CNTN4: variants seen among roughly 807,000 people sequenced by gnomAD.
CNTN4 encodes the protein contactin 4.
Under a neutral mutation model 122.5 loss-of-function variants are expected in CNTN4, and 77 were observed. The ratio of observed to expected loss-of-function variants is 0.63; its 90% CI spans 0.52 to 0.76. The LOEUF (loss-of-function observed/expected upper bound fraction) is 0.76. Among genes scored for constraint, CNTN4 ranks in the 30% least tolerant of loss-of-function variants. The pLI is 0.00. For missense variants in CNTN4, 1,256 were observed against 1,259.1 expected (o/e 1.00, Z 0.04); for synonymous variants, 512 against 447.0 (o/e 1.15, Z -1.83).
At chr3:2,926,106 C>A (rs528799793) in intron 13 of CNTN4, among the ~76,000 whole-genome samples, 77 of 152,314 alleles carry the variant, frequency 5.1e-4, no homozygotes, top group Middle Eastern at 3.4e-3. Flanking sequence ...TTTCCCCATC[C>A]TAAGTCCTTT....
intron 3 of CNTN4, among the ~76,000 whole-genome samples, chr3:2,559,361 C>G (rs1392672007): frequency 1.3e-5 from 2 of 152,084 alleles, no homozygotes; most frequent in Non-Finnish European, 2.9e-5. Context: ...ACACAATACA[C>G]TGGGAGGAAA....
At chr3:2,174,920 C>T (rs2036683211) in intron 2 of CNTN4, among the ~76,000 whole-genome samples, 1 of 152,070 alleles carries the variant, frequency 6.6e-6, no homozygotes, top group South Asian at 2.1e-4. Context: ...ATTGTAAGGA[C>T]AGCACGAAGC....
At chr3:2,495,028 T>TC (rs374381175) in intron 3 of CNTN4, among the ~76,000 whole-genome samples, 1 of 152,168 alleles carries the variant, frequency 6.6e-6, no homozygotes, top group African/African-American at 2.4e-5. Context: ...CCTCGAGAGA[T>TC]CTGGATATCA....
At chr3:2,190,837 C>T (rs73807004) in intron 2 of CNTN4, among the ~76,000 whole-genome samples, 191 of 136,898 alleles carry the variant, frequency 1.4e-3, no homozygotes, top group African/African-American at 4.6e-3. Context: ...CACACACATA[C>T]ACACACACAC....
chr3:2,268,751 A>G (rs752228121), intron 2 of CNTN4, among the ~76,000 whole-genome samples: 3 of 152,038 alleles, frequency 2.0e-5, no homozygotes, highest in Non-Finnish European at 4.4e-5. Context: ...ATGGTATGCA[A>G]CTCCCTTACG....
At chr3:2,860,502 G>T (rs937287515) in intron 7 of CNTN4, among the ~76,000 whole-genome samples, 3 of 152,150 alleles carry the variant, frequency 2.0e-5, no homozygotes, top group African/African-American at 7.2e-5. Context: ...TAGGGGTCCT[G>T]ACAGCTACAG....
At chr3:2,141,589 G>A (rs1005518576) in intron 2 of CNTN4, among the ~76,000 whole-genome samples, 30 of 152,258 alleles carry the variant, frequency 2.0e-4, no homozygotes, top group Admixed American at 1.8e-3. Flanking sequence ...GTGGCAATTT[G>A]TCACATCAGT....
intron 6 of CNTN4, among the ~76,000 whole-genome samples, chr3:2,782,293 G>A (rs553462294): frequency 3.2e-4 from 36 of 113,236 alleles, no homozygotes; most frequent in African/African-American, 4.2e-4. Flanking sequence ...GATGGTAGGT[G>A]GGGGGGGGCC....
At chr3:2,962,292 A>G (rs1163345071) in intron 13 of CNTN4, among the ~76,000 whole-genome samples, 1 of 152,214 alleles carries the variant, frequency 6.6e-6, no homozygotes, top group Non-Finnish European at 1.5e-5. Flanking sequence ...CTGGTGCAGC[A>G]CAGGAAATCC....
chr3:2,481,729 A>G lies in CNTN4; in HGVS notation c.-88-89687A>G, dbSNP rs540463244. Among the ~76,000 whole-genome samples the G allele has an allele frequency of 5.9e-5, 9 of 152,098 alleles. No individual in the cohort carries two copies. The East Asian group carries it at 1.6e-3, about 26-fold the overall frequency. Reference sequence around the variant, plus strand: ...GGACCTTGTGGGAGGTAATTAAATCATGGGGGTGGTTCTCCTATGCTGTTC... The same window carrying G: ...GGACCTTGTGGGAGGTAATTAAATCGTGGGGGTGGTTCTCCTATGCTGTTC... On this transcript the variant is annotated intron_variant, in intron 3 of 24. Transcript: ENST00000418658.
At chr3:2,647,960 A>C (rs1307521424) in intron 4 of CNTN4, among the ~76,000 whole-genome samples, 1 of 152,252 alleles carries the variant, frequency 6.6e-6, no homozygotes, top group Non-Finnish European at 1.5e-5. Flanking sequence ...TCTGGATTTG[A>C]AGATAACTGT....
At chr3:2,185,477 C>T (rs2037208226) in intron 2 of CNTN4, among the ~76,000 whole-genome samples, 1 of 152,116 alleles carries the variant, frequency 6.6e-6, no homozygotes, top group Non-Finnish European at 1.5e-5. Flanking sequence ...GGGATTCGAG[C>T]TCTTGCTACC....
At chr3:2,770,950 T>C (rs1359538839) in intron 6 of CNTN4, among the ~76,000 whole-genome samples, 2 of 152,200 alleles carry the variant, frequency 1.3e-5, no homozygotes, top group African/African-American at 4.8e-5. Context: ...GCTTTTCTAT[T>C]AAAAATTCAG....
chr3:2,674,184 C>T (rs2084701139), intron 4 of CNTN4, among the ~76,000 whole-genome samples: 1 of 152,184 alleles, frequency 6.6e-6, no homozygotes, highest in African/African-American at 2.4e-5. Context: ...GCATACAATC[C>T]ATATGCCTCA....
intron 6 of CNTN4, among the ~76,000 whole-genome samples, chr3:2,764,640 T>G (rs1333759049): frequency 1.3e-5 from 2 of 152,198 alleles, no homozygotes; most frequent in African/African-American, 4.8e-5. Context: ...TCTCATATGG[T>G]CCCATTAAGC....
chr3:2,503,873 A>G lies in CNTN4; in HGVS notation c.-88-67543A>G, dbSNP rs551562694. ...TACTGGGGGGTTGGGAGGACTCTGT[A>G]AGAACTGGCCATATTTGGCTTTACC... On this transcript the variant is annotated intron_variant, in intron 3 of 24. Coordinates refer to ENST00000418658, the MANE Select transcript of CNTN4 (RefSeq NM_175607.3). 1.6e-4 allele frequency among the ~76,000 whole-genome samples: 24 copies of G among 152,240 alleles called. No homozygotes were observed. In the South Asian group the frequency reaches 4.8e-3, roughly 30 times the overall value.
intron 2 of CNTN4, among the ~76,000 whole-genome samples, chr3:2,114,637 C>T (rs79995646): frequency 0.028 from 4,313 of 152,116 alleles, 204 homozygotes; most frequent in African/African-American, 0.096. Context: ...TGAATGTTAT[C>T]CCCAGAGTTG....
intron 2 of CNTN4, among the ~76,000 whole-genome samples, chr3:2,217,748 T>G (rs1011358051): frequency 6.6e-6 from 1 of 152,008 alleles, no homozygotes; most frequent in East Asian, 1.9e-4. Flanking sequence ...TTTTAGAAAA[T>G]TTGGAAAAAT....
chr3:2,426,362 G>C (rs2047832496), intron 3 of CNTN4, among the ~76,000 whole-genome samples: 1 of 152,130 alleles, frequency 6.6e-6, no homozygotes, highest in African/African-American at 2.4e-5. Flanking sequence ...TTATGTGATG[G>C]ATTACGTTTA....
Sources: allele counts gnomAD v4.1 joint callset (sites outside exome capture counted in the v4.1 genomes callset), GRCh38; gene constraint gnomAD v4.1.1; transcripts MANE v1.5; gene names NCBI Gene and HGNC (gene_info 2026-07-23, HGNC 2026-07-21).